Variants in MALRD1 observed in about 807,000 individuals in gnomAD.
The protein encoded by MALRD1 is MAM and LDL receptor class A domain containing 1.
A neutral mutation model predicts 242.1 loss-of-function variants in MALRD1; 247 were observed. That is an observed-to-expected ratio of 1.02 (90% CI 0.92 to 1.13). The LOEUF (loss-of-function observed/expected upper bound fraction) is 1.13, where lower values mean the gene tolerates loss of function less well. Ranked by LOEUF, MALRD1 falls within the 50% of genes most tolerant of loss-of-function variation. The pLI is 0.00. For missense variants in MALRD1, 2,989 were observed against 2,533.1 expected (o/e 1.18, Z -3.86); for synonymous variants, 995 against 866.6 (o/e 1.15, Z -2.60).
intron 28 of MALRD1, among the ~76,000 whole-genome samples, chr10:19,401,682 A>G (rs1041402425): frequency 1.3e-5 from 2 of 152,170 alleles, no homozygotes; most frequent in African/African-American, 4.8e-5. Flanking sequence ...TAAATTTTTA[A>G]TTTAATTCTC....
Position 19,088,144 on chromosome 10 carries a change from G to C in MALRD1, c.556G>C (p.Glu186Gln). 1 of 1,233,494 alleles carries C rather than the reference G, an allele frequency of 8.1e-7. No homozygotes were observed. Among genetic ancestry groups the C allele is most frequent in the Non-Finnish European group, 1.0e-6 (1 of 987,874 alleles). The allele number at this position is 1,233,494 out of a possible 1,614,324, so 76.4% of individuals were successfully genotyped here. ...QNTAALPNQW[E>Q]RNVIKIQSSQ... is the part of the protein sequence containing the mutation. ...CACAGCTGCACTCCCAAATCAGTGG[G>C]AGAGAAATGTCATCAAAATCCAGAG... The change falls in exon 4 of 40, where the codon GAG (glutamate) becomes CAG (glutamine). Residue 186 changes from glutamate to glutamine, a missense_variant. Coordinates refer to ENST00000454679, the MANE Select transcript of MALRD1 (RefSeq NM_001142308.3).
intron 28 of MALRD1, among the ~76,000 whole-genome samples, chr10:19,433,519 C>T (rs1589065572): frequency 6.6e-6 from 1 of 152,222 alleles, no homozygotes; most frequent in South Asian, 2.1e-4. Context: ...CATAAGATCA[C>T]TTGATAAGTC....
chr10:19,684,616 C>T (rs1012580348), intron 36 of MALRD1, among the ~76,000 whole-genome samples: 5 of 152,102 alleles, frequency 3.3e-5, no homozygotes, highest in African/African-American at 1.2e-4. Context: ...ATTAGGCATG[C>T]TGGCACATGC....
intron 38 of MALRD1, among the ~76,000 whole-genome samples, chr10:19,715,728 C>G (rs1834352049): frequency 2.0e-5 from 3 of 152,302 alleles, no homozygotes; most frequent in South Asian, 4.1e-4. Flanking sequence ...ATGTCGGCAT[C>G]TGCTTATGGT....
At chr10:19,522,377 GT>G (rs1564410821) in intron 31 of MALRD1, among the ~76,000 whole-genome samples, 1 of 152,064 alleles carries the variant, frequency 6.6e-6, no homozygotes, top group Admixed American at 6.6e-5. Context: ...TTAGTGTGAG[GT>G]TTTTAATGTT....
intron 18 of MALRD1, among the ~76,000 whole-genome samples, chr10:19,221,416 C>T (rs1837550326): frequency 6.6e-6 from 1 of 152,136 alleles, no homozygotes; most frequent in African/African-American, 2.4e-5. Context: ...TGGTATGAAT[C>T]CTGTGTGAGC....
intron 30 of MALRD1, among the ~76,000 whole-genome samples, chr10:19,496,466 A>G (rs1837726015): frequency 6.6e-6 from 1 of 152,220 alleles, no homozygotes; most frequent in South Asian, 2.1e-4. Flanking sequence ...TTTTGGGTAA[A>G]TAATGACACT....
At position 19,625,060 on chromosome 10, in the gene MALRD1, A is replaced by AAG. The variant is rs3069631; in HGVS notation, c.6137+9155_6137+9156dup. Among the ~76,000 whole-genome samples, 899 of 147,410 alleles carry AAG rather than the reference A, an allele frequency of 6.1e-3. 10 individuals are homozygous for AAG. The highest frequency in any genetic ancestry group is 0.017 in the African/African-American group (681 of 40,400). On this transcript the variant is annotated intron_variant, in intron 36 of 39. Transcript: ENST00000454679. The stretch of plus-strand genomic sequence containing the variant: ...TGACTGAACGAGAGCCTATTTTAAA[A>AAG]AGAGAGAGAGAGAGAGAGACATGAG...
chr10:19,410,244 A>C (rs1264332910), intron 28 of MALRD1, among the ~76,000 whole-genome samples: 1 of 152,152 alleles, frequency 6.6e-6, no homozygotes, highest in East Asian at 1.9e-4. Flanking sequence ...ATATTATCCA[A>C]TGTCAAGTTG....
At chr10:19,203,956 G>A in intron 15 of MALRD1, 76 bp downstream of exon 15, 1 of 1,495,090 alleles carries the variant, frequency 6.7e-7, no homozygotes, top group South Asian at 1.2e-5. Context: ...AGGAAAGCTA[G>A]TACGGTTCTG....
At chr10:19,203,369 A>G (rs7077687) in intron 14 of MALRD1, among the ~76,000 whole-genome samples, 1 of 152,122 alleles carries the variant, frequency 6.6e-6, no homozygotes, top group Non-Finnish European at 1.5e-5. Context: ...CTGCAGGAAC[A>G]ATGATGCCTC....
chr10:19,677,326 A>T (rs114392651), intron 36 of MALRD1, among the ~76,000 whole-genome samples: 8,270 of 152,114 alleles, frequency 0.054, 538 homozygotes, highest in African/African-American at 0.15. Flanking sequence ...CAGCATCTGT[A>T]GTTTCTTGAC....
chr10:19,275,450 C>T (rs569088563), intron 19 of MALRD1, among the ~76,000 whole-genome samples: 4 of 152,190 alleles, frequency 2.6e-5, no homozygotes, highest in African/African-American at 7.2e-5. Context: ...GGGCAGATCA[C>T]GAGGTCAGGA....
intron 35 of MALRD1, among the ~76,000 whole-genome samples, chr10:19,613,085 A>G (rs1838975558): frequency 6.6e-6 from 1 of 152,024 alleles, no homozygotes; most frequent in East Asian, 1.9e-4. Flanking sequence ...TATCTGTTCT[A>G]GTAAATGTTT....
intron 29 of MALRD1, among the ~76,000 whole-genome samples, chr10:19,480,326 A>T (rs1836939181): frequency 6.6e-6 from 1 of 152,348 alleles, no homozygotes; most frequent in East Asian, 1.9e-4. Flanking sequence ...GGTTGTAGAC[A>T]TGGGGCCATC....
chr10:19,404,478 C>A (rs1426536309), intron 28 of MALRD1, among the ~76,000 whole-genome samples: 1 of 152,142 alleles, frequency 6.6e-6, no homozygotes, highest in South Asian at 2.1e-4. Flanking sequence ...CCTTGAAAAT[C>A]TTCCACTTAT....
intron 21 of MALRD1, among the ~76,000 whole-genome samples, chr10:19,305,178 C>G (rs1842111777): frequency 6.6e-6 from 1 of 151,596 alleles, no homozygotes; most frequent in Non-Finnish European, 1.5e-5. Flanking sequence ...CAAATCGTAT[C>G]TATTTTAACA....
chr10:19,087,598 G>A (rs1835714078), intron 2 of MALRD1, among the ~76,000 whole-genome samples: 1 of 151,324 alleles, frequency 6.6e-6, no homozygotes, highest in African/African-American at 2.4e-5. Flanking sequence ...TATATCTATG[G>A]GGTACATGAG....
At chr10:19,538,547 A>G (rs575119464) in intron 32 of MALRD1, among the ~76,000 whole-genome samples, 12 of 152,228 alleles carry the variant, frequency 7.9e-5, no homozygotes, top group Non-Finnish European at 1.6e-4. Context: ...ATTTCCCATT[A>G]TATTATTTAA....
Sources: gnomAD v4.1 joint callset for allele counts (sites outside exome capture counted in the v4.1 genomes callset) on GRCh38, gnomAD v4.1.1 for gene constraint, MANE v1.5 for transcripts, NCBI Gene and HGNC (gene_info 2026-07-23, HGNC 2026-07-21) for gene names.